Variants in GPATCH8 observed in about 807,000 individuals in gnomAD.
The protein encoded by GPATCH8 is G patch domain-containing protein 8.
GPATCH8 carries 18 observed loss-of-function variants against 118.3 expected under a neutral mutation model. That is an observed-to-expected ratio of 0.15 (90% CI 0.11 to 0.23). The LOEUF is 0.23. Ranked by LOEUF, GPATCH8 falls within the 10% of genes least tolerant of loss-of-function variation. The pLI is 1.00. For missense variants in GPATCH8, 1,631 were observed against 1,873.8 expected, an observed-to-expected ratio of 0.87 and a Z score of 2.39; for synonymous variants, 659 against 684.7, an observed-to-expected ratio of 0.96 and a Z score of 0.59.
At chr17:44,460,872 T>C (rs2051517780) in intron 3 of GPATCH8, among the ~76,000 whole-genome samples, 2 of 152,278 alleles carry the variant, frequency 1.3e-5, no homozygotes, top group South Asian at 4.1e-4. Context: ...TAAATGTGGA[T>C]ATATTCTAGG....
chr17:44,408,184 A>G (rs2143727018), intron 6 of GPATCH8, among the ~76,000 whole-genome samples: 1 of 150,424 alleles, frequency 6.6e-6, no homozygotes, highest in East Asian at 2.0e-4. Context: ...CACATCTGCC[A>G]TTTTCTCTTT....
At position 44,478,102 on chromosome 17, in the gene GPATCH8, A is replaced by C. The variant is rs1430291441; in HGVS notation, c.46-3199T>G. ...CAGCCTCCCAAAGTGCTGAGATTAC[A>C]GATGTGAGCCACCAAGCGCAGCCTG... On this transcript the variant is annotated intron_variant, in intron 1 of 7. Transcript: ENST00000591680. 2.0e-5 allele frequency among the ~76,000 whole-genome samples: 3 copies of C among 152,212 alleles called. No individual in the cohort carries two copies. In the East Asian group the frequency reaches 5.8e-4, roughly 29 times the overall value.
At chr17:44,421,727 TTTTTTC>T (rs996524960) in intron 6 of GPATCH8, among the ~76,000 whole-genome samples, 3 of 146,918 alleles carry the variant, frequency 2.0e-5, no homozygotes, top group African/African-American at 7.7e-5. Context: ...TTTCTTTTTC[TTTTTTC>T]TTTTTTTTTT....
At chr17:44,429,750 G>A (rs1394316302) in intron 5 of GPATCH8, among the ~76,000 whole-genome samples, 2 of 151,838 alleles carry the variant, frequency 1.3e-5, no homozygotes, top group Non-Finnish European at 2.9e-5. Context: ...TGTAATCCCA[G>A]TTGCTCGGGA....
intron 3 of GPATCH8, among the ~76,000 whole-genome samples, chr17:44,448,576 AG>A: frequency 2.4e-5 from 1 of 41,972 alleles, no homozygotes; most frequent in Non-Finnish European, 9.7e-5. Context: ...AGGAAGAGGA[AG>A]AAGAAGAAGA....
chr17:44,410,781 A>T (rs2143755114), intron 6 of GPATCH8, among the ~76,000 whole-genome samples: 1 of 152,318 alleles, frequency 6.6e-6, no homozygotes, highest in African/African-American at 2.4e-5. Context: ...ACAGATCCTT[A>T]ATCACATGGT....
At chr17:44,494,159 C>T (rs1969490839) in intron 1 of GPATCH8, among the ~76,000 whole-genome samples, 1 of 152,142 alleles carries the variant, frequency 6.6e-6, no homozygotes, top group Non-Finnish European at 1.5e-5. Flanking sequence ...CCCTACAGTA[C>T]TCCCACTCTA....
Position 44,399,869 on chromosome 17 carries a change from A to C in GPATCH8, c.2208T>G (p.Pro736=). ...TTGGTGGTGCGGGACTGCCACTCCC[A>C]GGGGGTTCTGGTTTGGGTCCTCGTT... ...DSERGPKPEP[P]GSGSPAPPRR... Residue 736 remains proline, a synonymous_variant, in exon 8 of 8, where the codon CCT becomes CCG. Transcript: ENST00000591680. The C allele has an allele frequency of 1.2e-6, 2 of 1,613,800 alleles. No homozygotes were observed. The highest frequency in any genetic ancestry group is 1.7e-6 in the Non-Finnish European group (2 of 1,179,914).
chr17:44,473,310 A>G (rs1172940955), intron 2 of GPATCH8: 2 of 151,406 alleles, frequency 1.3e-5, no homozygotes, highest in South Asian at 2.1e-4. Context: ...AATTTTTTAC[A>G]TTTTTTGTAG....
intron 1 of GPATCH8, among the ~76,000 whole-genome samples, chr17:44,475,796 C>T (rs146380454): frequency 5.9e-5 from 9 of 152,168 alleles, no homozygotes; most frequent in East Asian, 5.8e-4. Flanking sequence ...GAGGCTGAGG[C>T]GGGAAGATCA....
intron 7 of GPATCH8, among the ~76,000 whole-genome samples, chr17:44,405,030 A>C (rs2049165356): frequency 6.6e-6 from 1 of 152,190 alleles, no homozygotes; most frequent in Non-Finnish European, 1.5e-5. Flanking sequence ...AGTTTCAAAT[A>C]GTTAGAAAGA....
intron 3 of GPATCH8, among the ~76,000 whole-genome samples, chr17:44,446,471 A>T (rs2050885758): frequency 6.6e-6 from 1 of 152,162 alleles, no homozygotes; most frequent in South Asian, 2.1e-4. Context: ...AGGCTGACAC[A>T]GGAGAATGGT....
At position 44,503,177 on chromosome 17, in the gene GPATCH8, G is replaced by A. The variant is rs528996292; in HGVS notation, c.45+149C>T. 4.9e-5 allele frequency: 36 copies of A among 728,366 alleles called. No homozygotes were observed. The African/African-American group carries it at 6.3e-4, about 13-fold the overall frequency. 45.1% of individuals were successfully genotyped at this position (728,366 alleles called of 1,614,324 possible). A position where few individuals can be genotyped will look rare whatever the true frequency, so the allele number is the denominator to read the frequency against. ...GATGCGGCCTCCCTCAAGCCGGGAG[G>A]CCTCTTGAGAAAGCAGAGACGGGAG... On this transcript the variant is annotated intron_variant, in intron 1 of 7. Transcript: ENST00000591680.
At chr17:44,444,280 A>G (rs959175172) in intron 3 of GPATCH8, among the ~76,000 whole-genome samples, 4 of 151,744 alleles carry the variant, frequency 2.6e-5, no homozygotes, top group African/African-American at 7.3e-5. Context: ...AAAGAAAATC[A>G]TACTTTTACA....
chr17:44,490,805 A>G (rs536719959), intron 1 of GPATCH8, among the ~76,000 whole-genome samples: 131 of 152,362 alleles, frequency 8.6e-4, no homozygotes, highest in Middle Eastern at 3.4e-3. Context: ...GCATGTTATT[A>G]AAATACACAG....
chr17:44,474,169 G>T (rs181232554), intron 2 of GPATCH8, among the ~76,000 whole-genome samples: 140 of 152,132 alleles, frequency 9.2e-4, no homozygotes, highest in Admixed American at 1.5e-3. Context: ...TAAAAATAAC[G>T]GGTTTTTCAA....
At chr17:44,438,938 C>A (rs974503235) in intron 3 of GPATCH8, among the ~76,000 whole-genome samples, 6 of 152,134 alleles carry the variant, frequency 3.9e-5, no homozygotes, top group Non-Finnish European at 5.9e-5. Context: ...ATGAACAACA[C>A]CCTCTTCAAT....
chr17:44,470,004 G>C (rs994564308), intron 2 of GPATCH8, among the ~76,000 whole-genome samples: 5 of 152,280 alleles, frequency 3.3e-5, no homozygotes, highest in African/African-American at 1.2e-4. Flanking sequence ...TCAGCAACTG[G>C]AGTTTGAAGC....
At chr17:44,432,164 G>A (rs1057205515) in intron 5 of GPATCH8, among the ~76,000 whole-genome samples, 3 of 151,954 alleles carry the variant, frequency 2.0e-5, no homozygotes, top group South Asian at 2.1e-4. Context: ...GGAAAGAAGT[G>A]GAAGGTCTTT....
Sources: allele counts gnomAD v4.1 joint callset (sites outside exome capture counted in the v4.1 genomes callset), GRCh38; gene constraint gnomAD v4.1.1; transcripts MANE v1.5; gene names NCBI Gene and HGNC (gene_info 2026-07-23, HGNC 2026-07-21).